Variants in SHH observed in about 807,000 individuals in gnomAD.
SHH encodes the protein sonic hedgehog protein.
Under a neutral mutation model 16.6 loss-of-function variants are expected in SHH, and 3 were observed. The observed-to-expected ratio is 0.18, with a 90% CI of 0.08 to 0.47. The LOEUF is 0.47. Among genes scored for constraint, SHH ranks in the 20% least tolerant of loss-of-function variants. The pLI, the probability that SHH is intolerant of heterozygous loss-of-function variation, is 0.98. For synonymous variants in SHH, 351 were observed against 316.2 expected (o/e 1.11, Z -1.17); for missense variants, 499 against 665.0 (o/e 0.75, Z 2.75).
In SHH at chr7:155,807,541, G is replaced by A. The variant is rs1803399099; in HGVS notation, c.301-984C>T. Among the ~76,000 whole-genome samples the A allele has an allele frequency of 6.6e-6, 1 of 152,206 alleles. No homozygotes were observed. Among genetic ancestry groups the A allele is most frequent in the Non-Finnish European group, 1.5e-5 (1 of 68,040 alleles). On this transcript the variant is annotated intron_variant, in intron 1 of 2. Coordinates refer to ENST00000297261, the MANE Select transcript of SHH (RefSeq NM_000193.4). This position sits in a 1 kb window ranked among gnomAD's most constrained non-coding sequence, Gnocchi z 7.1. Reference sequence around the variant, plus strand: ...CCAGGAAGTTGCCTGGGAGGAGGCAGGAAACACTGACTAGGCAGATGCAGA... The same window carrying A: ...CCAGGAAGTTGCCTGGGAGGAGGCAAGAAACACTGACTAGGCAGATGCAGA...
In SHH at chr7:155,809,265, C is replaced by T. The variant is rs1803448985; in HGVS notation, c.300+2558G>A. The stretch of plus-strand genomic sequence containing the variant: ...GGACGATCTCGCCATGGTTGAGGGA[C>T]TTGGGCGGCAGTCACATTAGAGACC... On this transcript the variant is annotated intron_variant, in intron 1 of 2. Transcript: ENST00000297261. This position sits in a 1 kb window ranked among gnomAD's most constrained non-coding sequence, Gnocchi z 6.1. Among the ~76,000 whole-genome samples, 1 of 152,190 alleles carries T rather than the reference C, an allele frequency of 6.6e-6. No homozygotes were observed. Among genetic ancestry groups the T allele is most frequent in the Non-Finnish European group, 1.5e-5 (1 of 68,030 alleles).
rs1292634802 is a variant in SHH at position 155,801,667 on chromosome 7, G to A, written c.*1233C>T. On this transcript the variant is annotated 3_prime_UTR_variant, in exon 3 of 3. Transcript: ENST00000297261. ...TTTCTCCAGCCATGAGAAGAAACAA[G>A]TTGGTTTGTGTGCCTACTTTGGTTA... 6.6e-6 allele frequency: 1 copy of A among 152,368 alleles called. No individual in the cohort carries two copies. The highest frequency in any genetic ancestry group is 3.4e-3 in the Middle Eastern group (1 of 294). 9.4% of individuals were successfully genotyped at this position (152,368 alleles called of 1,614,324 possible). A position where few individuals can be genotyped will look rare whatever the true frequency, so the allele number is the denominator to read the frequency against.
intron 2 of SHH, among the ~76,000 whole-genome samples, chr7:155,805,824 A>T (rs1293796334): frequency 6.6e-6 from 1 of 152,166 alleles, no homozygotes; most frequent in African/African-American, 2.4e-5. Flanking sequence ...CTTAGGATCC[A>T]CGGGCGCCCG....
chr7:155,804,941 GT>G (rs1349840186), intron 2 of SHH, among the ~76,000 whole-genome samples: 1 of 152,236 alleles, frequency 6.6e-6, no homozygotes, highest in Non-Finnish European at 1.5e-5. Context: ...GGGGCTGGCC[GT>G]TGGAGGCCCT....
At position 155,812,174 on chromosome 7, in the gene SHH, C is replaced by T. The variant is rs1803538165; in HGVS notation, c.-52G>A. ...AGCTGTCCCCGTGCGGGTCCGTGCG[C>T]GAGTGCGCGCGGCGGGTGTGTGCGT... On this transcript the variant is annotated 5_prime_UTR_variant, in exon 1 of 3. Transcript: ENST00000297261. 3 of 1,577,370 alleles carry T rather than the reference C, an allele frequency of 1.9e-6. No homozygotes were observed. The highest frequency in any genetic ancestry group is 2.6e-6 in the Non-Finnish European group (3 of 1,147,804).
Position 155,812,198 on chromosome 7 carries a change from G to C in SHH, c.-76C>G. The stretch of plus-strand genomic sequence containing the variant: ...GCGAGTGCGCGCGGCGGGTGTGTGC[G>C]TGTGCGCTCTCTCTTGCGCTTTCCC... On this transcript the variant is annotated 5_prime_UTR_variant, in exon 1 of 3. Transcript: ENST00000297261. The C allele has an allele frequency of 7.2e-7, 1 of 1,394,842 alleles. No homozygotes were observed. Among genetic ancestry groups the C allele is most frequent in the Non-Finnish European group, 1.0e-6 (1 of 982,578 alleles). The allele number at this position is 1,394,842 out of a possible 1,614,324, so 86.4% of individuals were successfully genotyped here. A position where few individuals can be genotyped will look rare whatever the true frequency, so the allele number is the denominator to read the frequency against.
In SHH at chr7:155,812,413, A is replaced by G; in HGVS notation, c.-291T>C. On this transcript the variant is annotated 5_prime_UTR_variant, in exon 1 of 3. Coordinates refer to ENST00000297261, the MANE Select transcript of SHH (RefSeq NM_000193.4). ...GGAGTTGGGTCGCGAGACAGCAATC[A>G]AAAGACAAAAAGAGTCTGATTTTAA... The G allele has an allele frequency of 3.7e-6, 2 of 536,336 alleles. No individual in the cohort carries two copies. The highest frequency in any genetic ancestry group is 6.8e-6 in the Non-Finnish European group (2 of 295,876). 33.2% of individuals were successfully genotyped at this position (536,336 alleles called of 1,614,324 possible).
At chr7:155,806,944 C>T (rs1803381248) in intron 1 of SHH, 2 of 249,084 alleles carry the variant, frequency 8.0e-6, no homozygotes, top group African/African-American at 4.5e-5. Context: ...CCCGCCCCCA[C>T]GTTGCCCTCC....
chr7:155,800,030 A>G lies in SHH; in HGVS notation c.*2870T>C, dbSNP rs1392554470. The G allele has an allele frequency of 6.4e-6, 3 of 471,434 alleles. No homozygotes were observed. The highest frequency in any genetic ancestry group is 4.6e-5 in the South Asian group (3 of 64,560). 29.2% of individuals were successfully genotyped at this position (471,434 alleles called of 1,614,324 possible). On this transcript the variant is annotated 3_prime_UTR_variant, in exon 3 of 3. Coordinates refer to ENST00000297261, the MANE Select transcript of SHH (RefSeq NM_000193.4). Reference sequence around the variant, plus strand: ...ATTCAAACAATAGAGCACAAAGATAACAGTTTCAAGTACATTGTGATACAC... The same window carrying G: ...ATTCAAACAATAGAGCACAAAGATAGCAGTTTCAAGTACATTGTGATACAC...
intron 2 of SHH, among the ~76,000 whole-genome samples, chr7:155,805,154 C>T (rs1307202341): frequency 1.3e-5 from 2 of 151,306 alleles, no homozygotes; most frequent in Non-Finnish European, 3.0e-5. Flanking sequence ...CCTCCGGAGA[C>T]CCCCGCTAGG....
chr7:155,800,743 C>A lies in SHH; in HGVS notation c.*2157G>T. On this transcript the variant is annotated 3_prime_UTR_variant, in exon 3 of 3. Coordinates refer to ENST00000297261, the MANE Select transcript of SHH (RefSeq NM_000193.4). ...TGAGGAGAGGGCTCCAGAGGCCCTG[C>A]GCCATCCACCTGGTCACACACCCTC... is the stretch of plus-strand genomic sequence containing the variant. The A allele has an allele frequency of 4.6e-6, 2 of 434,964 alleles. No homozygotes were observed. The highest frequency in any genetic ancestry group is 9.3e-6 in the Non-Finnish European group (2 of 214,008). 26.9% of individuals were successfully genotyped at this position (434,964 alleles called of 1,614,324 possible). A position where few individuals can be genotyped will look rare whatever the true frequency, so the allele number is the denominator to read the frequency against.
Position 155,800,460 on chromosome 7 carries a change from T to C in SHH, c.*2440A>G, listed in dbSNP as rs1803155063. The C allele has an allele frequency of 2.3e-6, 1 of 438,996 alleles. No individual in the cohort carries two copies. Among genetic ancestry groups the C allele is most frequent in the South Asian group, 1.7e-5 (1 of 60,598 alleles). The allele number at this position is 438,996 out of a possible 1,614,324, so 27.2% of individuals were successfully genotyped here. The stretch of plus-strand genomic sequence containing the variant: ...AGTTGCACCATGGCCTCAGGCACCT[T>C]GGGGCTTGGTCAACGCCTGGCTTCT... On this transcript the variant is annotated 3_prime_UTR_variant, in exon 3 of 3. Coordinates refer to ENST00000297261, the MANE Select transcript of SHH (RefSeq NM_000193.4).
rs575790555 is a variant in SHH at position 155,804,759 on chromosome 7, G to A, written c.563-1033C>T. On this transcript the variant is annotated intron_variant, in intron 2 of 2. Transcript: ENST00000297261. Reference sequence around the variant, plus strand: ...GCTCACTGTCCCCAGGACAATAATTGAAGTTGGGGCGGAGCGCAGGGGGCC... The same window carrying A: ...GCTCACTGTCCCCAGGACAATAATTAAAGTTGGGGCGGAGCGCAGGGGGCC... Among the ~76,000 whole-genome samples the A allele has an allele frequency of 2.6e-5, 4 of 151,448 alleles. No homozygotes were observed. The South Asian group carries it at 8.4e-4, about 32-fold the overall frequency.
In SHH at chr7:155,803,429, G is replaced by T. The variant is rs1312880110; in HGVS notation, c.860C>A (p.Ala287Glu). Residue 287 changes from alanine (A) to glutamate (E), a missense_variant, in exon 3 of 3, where the codon GCG (alanine) becomes GAG (glutamate). Ala to Glu is a moderately radical substitution (Grantham distance 107). This residue lies in a region of SHH where 299 missense variants were observed against 301.1 expected (regional missense o/e 0.99). Transcript: ENST00000297261. ...HNDSATGEPEASSGSGPPSGG... is the reference protein window; with the variant it reads ...HNDSATGEPEESSGSGPPSGG... ...GGAAGGCGGCCCCGAGCCCGAGGAC[G>T]CCTCGGGCTCCCCGGTGGCCGAGTC... The T allele has an allele frequency of 3.3e-6, 5 of 1,533,388 alleles. No individual in the cohort carries two copies. Among genetic ancestry groups the T allele is most frequent in the Admixed American group, 2.0e-5 (1 of 50,968 alleles). The allele number at this position is 1,533,388 out of a possible 1,614,324, so 95.0% of individuals were successfully genotyped here. A position where few individuals can be genotyped will look rare whatever the true frequency, so the allele number is the denominator to read the frequency against.
intron 2 of SHH, among the ~76,000 whole-genome samples, chr7:155,805,927 C>T (rs1215649001): frequency 6.6e-6 from 1 of 152,244 alleles, no homozygotes; most frequent in Non-Finnish European, 1.5e-5. Context: ...AAGCCCTAAA[C>T]GAGAGGAAGG....
intron 2 of SHH, among the ~76,000 whole-genome samples, chr7:155,804,418 C>T (rs1308949879): frequency 6.6e-6 from 1 of 152,204 alleles, no homozygotes; most frequent in Admixed American, 6.5e-5. Context: ...CAATAAAGGG[C>T]CCAGCATTGT....
At chr7:155,804,503 G>A (rs112937391) in intron 2 of SHH, among the ~76,000 whole-genome samples, 61 of 152,138 alleles carry the variant, frequency 4.0e-4, no homozygotes, top group African/African-American at 1.4e-3. Flanking sequence ...CCTGTTCTCA[G>A]CTCACTCTCT....
At position 155,802,660 on chromosome 7, in the gene SHH, TA is replaced by T. The variant is rs1481293621; in HGVS notation, c.*239del. Reference sequence around the variant, plus strand: ...AAATAGCCAGGAGAGGAGGAAAAAATAACCAAAATAAAACAATAACCAAAAA... The same window carrying T: ...AAATAGCCAGGAGAGGAGGAAAAAATACCAAAATAAAACAATAACCAAAAA... On this transcript the variant is annotated 3_prime_UTR_variant, in exon 3 of 3. Transcript: ENST00000297261. 1 of 378,848 alleles carries T rather than the reference TA, an allele frequency of 2.6e-6. No individual in the cohort carries two copies. The highest frequency in any genetic ancestry group is 4.6e-5 in the Admixed American group (1 of 21,950). 23.5% of individuals were successfully genotyped at this position (378,848 alleles called of 1,614,324 possible).
At chr7:155,810,209 G>A (rs1803490122) in intron 1 of SHH, among the ~76,000 whole-genome samples, 1 of 152,222 alleles carries the variant, frequency 6.6e-6, no homozygotes, top group African/African-American at 2.4e-5. Flanking sequence ...GGGCTGCAAG[G>A]CCCAAGCCCT....
Sources: gnomAD v4.1 joint callset for allele counts (sites outside exome capture counted in the v4.1 genomes callset) on GRCh38, gnomAD v4.1.1 for gene constraint, gnomAD v4.1.1 regional missense constraint, Gnocchi (gnomAD v3.1) non-coding constraint, MANE v1.5 for transcripts, NCBI Gene and HGNC (gene_info 2026-07-23, HGNC 2026-07-21) for gene names.